CEP128: variants seen among roughly 807,000 people sequenced by gnomAD.
CEP128 encodes centrosomal protein 128kDa.
In CEP128, 132 loss-of-function variants were observed where a neutral mutation model predicts 156.7. The observed-to-expected ratio is 0.84, with a 90% CI of 0.73 to 0.97. The LOEUF (loss-of-function observed/expected upper bound fraction) is 0.97, where lower values mean the gene tolerates loss of function less well. Ranked by LOEUF, CEP128 falls within the 50% of genes least tolerant of loss-of-function variation. The pLI is 0.00. For missense variants in CEP128, 1,252 were observed against 1,281.9 expected (o/e 0.98, Z 0.36); for synonymous variants, 469 against 448.9 (o/e 1.04, Z -0.57).
chr14:80,602,465 A>G lies in CEP128; in HGVS notation c.2807-22042T>C, dbSNP rs2140536903. Among the ~76,000 whole-genome samples, 3 of 152,300 alleles carry G rather than the reference A, an allele frequency of 2.0e-5. No homozygotes were observed. In the Middle Eastern group the frequency reaches 0.01, roughly 518 times the overall value. ...AGACAAACCATATGATAGGCCATCA[A>G]TAATGTCTAAATAAATTAAAAGGAG... On this transcript the variant is annotated intron_variant, in intron 19 of 24. Transcript: ENST00000555265.
At chr14:80,546,445 G>A (rs1465050391) in intron 21 of CEP128, among the ~76,000 whole-genome samples, 5 of 152,132 alleles carry the variant, frequency 3.3e-5, no homozygotes, top group East Asian at 1.9e-4. Context: ...TGGAACAAAC[G>A]TACTCTTCTT....
intron 19 of CEP128, among the ~76,000 whole-genome samples, chr14:80,648,976 A>G (rs1311252803): frequency 6.6e-6 from 1 of 152,148 alleles, no homozygotes; most frequent in African/African-American, 2.4e-5. Context: ...AAAAAGAATT[A>G]AAAGAATTTG....
At chr14:80,729,128 T>TGTG (rs1244814152) in intron 19 of CEP128, among the ~76,000 whole-genome samples, 8 of 123,900 alleles carry the variant, frequency 6.5e-5, no homozygotes, top group African/African-American at 1.4e-4. Context: ...TGTGTGTGTG[T>TGTG]TTACCCAGTG....
chr14:80,680,509 T>C (rs947609586), intron 19 of CEP128, among the ~76,000 whole-genome samples: 108 of 152,178 alleles, frequency 7.1e-4, no homozygotes, highest in African/African-American at 2.4e-3. Flanking sequence ...TATATTGTAG[T>C]ATATGAAGAC....
At chr14:80,531,684 T>A (rs549750071) in intron 21 of CEP128, among the ~76,000 whole-genome samples, 13 of 152,328 alleles carry the variant, frequency 8.5e-5, no homozygotes, top group African/African-American at 3.1e-4. Flanking sequence ...AAATGGATTT[T>A]AATTGTTCAA....
At chr14:80,932,300 T>C (rs1885514750) in intron 2 of CEP128, among the ~76,000 whole-genome samples, 1 of 152,140 alleles carries the variant, frequency 6.6e-6, no homozygotes, top group African/African-American at 2.4e-5. Context: ...CCATAAAAGA[T>C]CCCCAAATTG....
chr14:80,709,482 C>A (rs1566869929), intron 19 of CEP128, among the ~76,000 whole-genome samples: 2 of 152,158 alleles, frequency 1.3e-5, no homozygotes, highest in Admixed American at 1.3e-4. Flanking sequence ...AACCTTTTCA[C>A]TTCTCTTCTT....
intron 14 of CEP128, among the ~76,000 whole-genome samples, chr14:80,791,284 G>A (rs771692411): frequency 1.2e-4 from 19 of 152,116 alleles, no homozygotes; most frequent in East Asian, 1.9e-4. Flanking sequence ...ATTGTGATAC[G>A]ACCCTAACTG....
intron 24 of CEP128, 101 bp from the exon 25 acceptor site, chr14:80,497,683 A>G (rs1180336696): frequency 1.4e-6 from 1 of 729,044 alleles, no homozygotes; most frequent in African/African-American, 1.8e-5. Flanking sequence ...ATGGTATTTG[A>G]TCGAGTTTTC....
chr14:80,628,080 A>G (rs1207089146), intron 19 of CEP128, among the ~76,000 whole-genome samples: 1 of 152,226 alleles, frequency 6.6e-6, no homozygotes, highest in African/African-American at 2.4e-5. Flanking sequence ...CAGAAAATTC[A>G]GAGAACTTTA....
rs1555390206 is a variant in CEP128, at chr14:80,678,049, A to ATATATATATAT, written c.2806+65025_2806+65026insATATATATATA. On this transcript the variant is annotated intron_variant, in intron 19 of 24. Coordinates refer to ENST00000555265, the MANE Select transcript of CEP128 (RefSeq NM_152446.5). Reference sequence around the variant, plus strand: ...ATGGACAGTTGCTCTATAAAAAAAAAATATATATATATATGTATATATATA... The same window carrying ATATATATATAT: ...ATGGACAGTTGCTCTATAAAAAAAAATATATATATATATATATATATATATGTATATATATA... Among the ~76,000 whole-genome samples, 198 of 98,476 alleles carry ATATATATATAT rather than the reference A, an allele frequency of 2.0e-3. 2 individuals are homozygous for ATATATATATAT. The Middle Eastern group carries it at 0.021, about 11-fold the overall frequency. The allele number at this position is 98,476 out of a possible 152,430, so 64.6% of individuals were successfully genotyped here.
At chr14:80,824,530 A>G (rs1205094940) in intron 13 of CEP128, among the ~76,000 whole-genome samples, 1 of 152,174 alleles carries the variant, frequency 6.6e-6, no homozygotes, top group Non-Finnish European at 1.5e-5. Context: ...TTCTGAACAG[A>G]TATCCTAAAA....
chr14:80,606,667 A>G (rs1344365004), intron 19 of CEP128, among the ~76,000 whole-genome samples: 1 of 152,142 alleles, frequency 6.6e-6, no homozygotes, highest in African/African-American at 2.4e-5. Flanking sequence ...AACAGAATGT[A>G]CTGTACTTGC....
downstream of CEP128, among the ~76,000 whole-genome samples, chr14:80,488,998 G>A (rs556173033): frequency 6.8e-6 from 1 of 146,068 alleles, no homozygotes; most frequent in South Asian, 2.3e-4. Flanking sequence ...TTGGGGGGAG[G>A]GGGGAGGGAA....
At chr14:80,586,297 T>C (rs1192480617) in intron 19 of CEP128, among the ~76,000 whole-genome samples, 18 of 152,228 alleles carry the variant, frequency 1.2e-4, no homozygotes, top group Admixed American at 1.2e-3. Context: ...TGTGGTGGCA[T>C]GGTGAAGCTG....
intron 19 of CEP128, among the ~76,000 whole-genome samples, chr14:80,625,300 G>A (rs778242017): frequency 5.3e-5 from 8 of 152,064 alleles, no homozygotes; most frequent in Non-Finnish European, 1.0e-4. Context: ...CTGTTCCATT[G>A]GTCTGGGTAT....
chr14:80,954,126 C>T (rs1211737804), intron 2 of CEP128, among the ~76,000 whole-genome samples: 2 of 151,966 alleles, frequency 1.3e-5, no homozygotes, highest in African/African-American at 4.8e-5. Context: ...AAAAATTAGC[C>T]GGGCGTGGTG....
intron 19 of CEP128, among the ~76,000 whole-genome samples, chr14:80,611,589 A>C (rs1299772390): frequency 1.3e-5 from 2 of 152,220 alleles, no homozygotes; most frequent in Non-Finnish European, 2.9e-5. Context: ...CAAGCCAAAG[A>C]AAAGGGTAAG....
chr14:80,785,151 G>A lies in CEP128; in HGVS notation c.1955C>T (p.Ala652Val). 2.5e-6 allele frequency: 4 copies of A among 1,614,156 alleles called. No individual in the cohort carries two copies. The highest frequency in any genetic ancestry group is 3.4e-6 in the Non-Finnish European group (4 of 1,180,006). ...TGCTTTCTTGGCTCTCTCTTCCTCA[G>A]CCAATTTATTAGCAAGATCTGCTCG... ...AIRADLANKL[A>V]EEERAKKAVL... The change falls in exon 15 of 25, where the codon GCT becomes GTT. Residue 652 changes from alanine (A) to valine (V), a missense_variant. Coordinates refer to ENST00000555265, the MANE Select transcript of CEP128 (RefSeq NM_152446.5).
Sources: allele counts gnomAD v4.1 joint callset (sites outside exome capture counted in the v4.1 genomes callset), GRCh38; gene constraint gnomAD v4.1.1; transcripts MANE v1.5; gene names NCBI Gene and HGNC (gene_info 2026-07-23, HGNC 2026-07-21).